Variants in UNC13A observed in about 807,000 individuals in gnomAD.
UNC13A encodes protein unc-13 homolog A.
Under a neutral mutation model 219.7 loss-of-function variants are expected in UNC13A, and 61 were observed. The ratio of observed to expected loss-of-function variants is 0.28; its 90% confidence interval spans 0.23 to 0.34. The LOEUF (loss-of-function observed/expected upper bound fraction) is 0.34, where lower values mean the gene tolerates loss of function less well. Among genes scored for constraint, UNC13A ranks in the 10% least tolerant of loss-of-function variants. The pLI is 1.00. For missense variants in UNC13A, 1,476 were observed against 2,270.3 expected, an observed-to-expected ratio of 0.65 and a Z score of 7.11; for synonymous variants, 920 against 884.6, an observed-to-expected ratio of 1.04 and a Z score of -0.71.
At chr19:17,683,819 T>G (rs1254628982) in intron 1 of UNC13A, among the ~76,000 whole-genome samples, 1 of 152,156 alleles carries the variant, frequency 6.6e-6, no homozygotes, top group Non-Finnish European at 1.5e-5. Context: ...TTGGGCGTGG[T>G]GGCTCACACC....
In UNC13A at chr19:17,671,359, A is replaced by C. The variant is rs370595471; in HGVS notation, c.270+1019T>G. Among the ~76,000 whole-genome samples the C allele has an allele frequency of 3.9e-5, 6 of 152,300 alleles. No individual in the cohort carries two copies. The South Asian group carries it at 6.2e-4, about 16-fold the overall frequency. On this transcript the variant is annotated intron_variant, in intron 4 of 43. Coordinates refer to ENST00000519716, the MANE Select transcript of UNC13A (RefSeq NM_001080421.3). ...TGCCATCTGAAGGGCCTCCCAAGGC[A>C]GATGGACAGGGGAGGACAGATCAGA...
intron 25 of UNC13A, among the ~76,000 whole-genome samples, chr19:17,637,630 T>C (rs4528696): frequency 0.18 from 27,667 of 152,092 alleles, 2,790 homozygotes; most frequent in Middle Eastern, 0.24. Context: ...GTCAACCAAA[T>C]AGAAATAAAT....
chr19:17,611,716 T>C, intron 42 of UNC13A, 47 bp downstream of exon 42: 2 of 1,550,890 alleles, frequency 1.3e-6, no homozygotes, highest in Non-Finnish European at 1.8e-6. Context: ...TTGAGTTTGG[T>C]TTCTGTTTTA....
At chr19:17,681,162 T>C (rs1030364458) in intron 1 of UNC13A, among the ~76,000 whole-genome samples, 7 of 142,492 alleles carry the variant, frequency 4.9e-5, no homozygotes, top group African/African-American at 1.9e-4. Context: ...CCTCCCAAAG[T>C]GTTGGAATTA....
chr19:17,644,287 C>T (rs2077000927), intron 19 of UNC13A, among the ~76,000 whole-genome samples: 1 of 151,694 alleles, frequency 6.6e-6, no homozygotes, highest in Non-Finnish European at 1.5e-5. Flanking sequence ...CTCCCAGGTA[C>T]AAATGATGCT....
rs555498188 is a variant in UNC13A, at chr19:17,649,897, G to A, written c.1440-310C>T. ...CTCTGTGACAGCAGAGGCAGAAAGCGACGTATCTACAAACCAATACTCGGG... is the reference window on the plus strand; with the variant it reads ...CTCTGTGACAGCAGAGGCAGAAAGCAACGTATCTACAAACCAATACTCGGG... On this transcript the variant is annotated intron_variant, in intron 12 of 43. Coordinates refer to ENST00000519716, the MANE Select transcript of UNC13A (RefSeq NM_001080421.3). This position sits in a 1 kb window ranked among gnomAD's most constrained non-coding sequence, Gnocchi z 4.4. Among the ~76,000 whole-genome samples the A allele has an allele frequency of 1.1e-4, 17 of 152,238 alleles. No individual in the cohort carries two copies. Among genetic ancestry groups the A allele is most frequent in the African/African-American group, 3.9e-4 (16 of 41,524 alleles).
At chr19:17,678,059 C>A (rs1168245150) in intron 1 of UNC13A, among the ~76,000 whole-genome samples, 1 of 152,198 alleles carries the variant, frequency 6.6e-6, no homozygotes, top group Non-Finnish European at 1.5e-5. Context: ...CCTCCCATCC[C>A]GGGTTTGTAT....
At chr19:17,633,477 T>TCCTTCCATCCATTCATTCAC (rs1287448324) in intron 26 of UNC13A, among the ~76,000 whole-genome samples, 3 of 152,028 alleles carry the variant, frequency 2.0e-5, no homozygotes, top group Non-Finnish European at 2.9e-5. Context: ...CATTCATCCA[T>TCCTTCCATCCATTCATTCAC]CCTTCCATCC....
intron 7 of UNC13A, among the ~76,000 whole-genome samples, chr19:17,666,087 T>C (rs73009986): frequency 0.75 from 79,267 of 105,956 alleles, 32,574 homozygotes; most frequent in Middle Eastern, 0.84. Context: ...CTTTCCTTTC[T>C]TTCCTTCCCT....
intron 33 of UNC13A, 50 bp from the exon 34 acceptor site, chr19:17,626,835 G>T: frequency 6.4e-7 from 1 of 1,571,116 alleles, no homozygotes. Flanking sequence ...GCTGGATGAG[G>T]ACACAGATGC....
In UNC13A at chr19:17,647,431, C is replaced by A; in HGVS notation, c.1878G>T (p.Val626=). 1.2e-6 allele frequency: 2 copies of A among 1,613,724 alleles called. No individual in the cohort carries two copies. The highest frequency in any genetic ancestry group is 2.2e-5 in the East Asian group (1 of 44,872). The change falls in exon 17 of 44, where the codon GTG becomes GTT. Residue 626 remains valine, a synonymous_variant. Coordinates refer to ENST00000519716, the MANE Select transcript of UNC13A (RefSeq NM_001080421.3). The part of the protein sequence containing the change: ...AEDRTQNIIM[V]LKDRMKIRER... ...CCCGGATCTTCATGCGGTCCTTGAGCACCATGATGATGTTCTGTGTCCGGT... is the reference window on the plus strand; with the variant it reads ...CCCGGATCTTCATGCGGTCCTTGAGAACCATGATGATGTTCTGTGTCCGGT...
chr19:17,609,847 A>T, intron 43 of UNC13A, 93 bp downstream of exon 43: 1 of 1,563,242 alleles, frequency 6.4e-7, no homozygotes, highest in South Asian at 1.2e-5. Flanking sequence ...CCGGGCCCAG[A>T]TTCCAGATAC....
chr19:17,648,753 T>C (rs2079290393), intron 15 of UNC13A, 103 bp from the exon 16 acceptor site: 2 of 1,510,526 alleles, frequency 1.3e-6, no homozygotes, highest in Admixed American at 2.0e-5. Context: ...TCCCAGGCCC[T>C]CCCCTGCCTC....
chr19:17,659,313 T>A (rs2079512604), intron 8 of UNC13A, among the ~76,000 whole-genome samples: 1 of 151,600 alleles, frequency 6.6e-6, no homozygotes, highest in Non-Finnish European at 1.5e-5. Flanking sequence ...TGTGGTGGCA[T>A]GTGCCTGTAA....
chr19:17,656,977 C>T (rs1352685361), intron 9 of UNC13A, among the ~76,000 whole-genome samples: 1 of 152,128 alleles, frequency 6.6e-6, no homozygotes, highest in African/African-American at 2.4e-5. Context: ...AGCAGGTCTC[C>T]TGTCCTCCAC....
chr19:17,640,086 G>A lies in UNC13A; in HGVS notation c.2788-178C>T, dbSNP rs181690972. 2.2e-3 allele frequency among the ~76,000 whole-genome samples: 333 copies of A among 152,046 alleles called. 2 individuals are homozygous for A. The highest frequency in any genetic ancestry group is 7.8e-3 in the African/African-American group (324 of 41,446). Reference sequence around the variant, plus strand: ...GTCTTGCTCTGTTGCCCAGGCTGGAGTGTAGTGGCGCAGTCTCAGCTCACT... The same window carrying A: ...GTCTTGCTCTGTTGCCCAGGCTGGAATGTAGTGGCGCAGTCTCAGCTCACT... On this transcript the variant is annotated intron_variant, in intron 22 of 43. Coordinates refer to ENST00000519716, the MANE Select transcript of UNC13A (RefSeq NM_001080421.3).
intron 40 of UNC13A, 117 bp downstream of exon 40, chr19:17,618,304 G>C: frequency 9.0e-7 from 1 of 1,107,760 alleles, no homozygotes; most frequent in Non-Finnish European, 1.3e-6. Context: ...GGGGAACGAG[G>C]GAGTGTCCAT....
intron 10 of UNC13A, 78 bp from the exon 11 acceptor site, chr19:17,655,460 A>G: frequency 9.1e-7 from 1 of 1,101,830 alleles, no homozygotes; most frequent in Non-Finnish European, 1.3e-6. Flanking sequence ...CAGCTGTGCA[A>G]GTGATGCATA....
Position 17,629,258 on chromosome 19 carries a change from G to A in UNC13A, c.3735C>T (p.Ser1245=), listed in dbSNP as rs2144995197. The change falls in exon 31 of 44, where the codon TCC becomes TCT. Residue 1245 remains serine, a synonymous_variant. Coordinates refer to ENST00000519716, the MANE Select transcript of UNC13A (RefSeq NM_001080421.3). The part of the protein sequence containing the change: ...IISKDFASYC[S]KEKEKVPCIL... ...AGGTCACCACTTTCTCCTTCTCCTT[G>A]GAGCAGTAGGAGGCAAAGTCCTTGG... The A allele has an allele frequency of 6.2e-7, 1 of 1,611,290 alleles. No homozygotes were observed. Among genetic ancestry groups the A allele is most frequent in the Non-Finnish European group, 8.5e-7 (1 of 1,178,972 alleles).
Sources: allele counts gnomAD v4.1 joint callset (sites outside exome capture counted in the v4.1 genomes callset), GRCh38; gene constraint gnomAD v4.1.1; non-coding constraint Gnocchi (gnomAD v3.1); transcripts MANE v1.5; gene names NCBI Gene and HGNC (gene_info 2026-07-23, HGNC 2026-07-21).